Variants in TRIML1 observed in about 807,000 individuals in gnomAD.
TRIML1 encodes the protein tripartite motif family like 1.
In TRIML1, 34 loss-of-function variants were observed where a neutral mutation model predicts 32.3. The ratio of observed to expected loss-of-function variants is 1.05; its 90% confidence interval spans 0.80 to 1.40. The LOEUF is 1.40. Among genes scored for constraint, TRIML1 ranks in the 40% most tolerant of loss-of-function variants. The pLI, the probability that TRIML1 is intolerant of heterozygous loss-of-function variation, is 0.00. For synonymous variants in TRIML1, 244 were observed against 226.6 expected, an observed-to-expected ratio of 1.08 and a Z score of -0.69; for missense variants, 595 against 574.9, an observed-to-expected ratio of 1.03 and a Z score of -0.36.
chr4:188,140,669 G>A (rs62354297), intron 2 of TRIML1, 46 bp downstream of exon 2: 91,343 of 1,320,490 alleles, frequency 0.069, 3,723 homozygotes, highest in East Asian at 0.21. Flanking sequence ...ACCCCATAAG[G>A]GGGACTAAAG....
chr4:188,139,518 G>T lies in TRIML1; in HGVS notation c.-41G>T. 1 of 1,534,750 alleles carries T rather than the reference G, an allele frequency of 6.5e-7. No homozygotes were observed. The highest frequency in any genetic ancestry group is 1.3e-5 in the South Asian group (1 of 78,340). ...GGCAGTGAGGGCTTTGCTAATCCCA[G>T]AACAGAGGTGTAACCTGGCTGCATA... On this transcript the variant is annotated 5_prime_UTR_variant, in exon 1 of 6. Transcript: ENST00000332517.
chr4:188,144,576 A>G (rs1289067164), intron 5 of TRIML1, among the ~76,000 whole-genome samples: 3 of 148,314 alleles, frequency 2.0e-5, no homozygotes, highest in Non-Finnish European at 3.0e-5. Flanking sequence ...GTTAGCCAGG[A>G]TGGTCTCGAT....
intron 1 of TRIML1, 140 bp downstream of exon 1, chr4:188,140,106 G>T: frequency 1.6e-5 from 13 of 834,092 alleles, no homozygotes; most frequent in Non-Finnish European, 2.4e-5. Flanking sequence ...CGTGGGTCCA[G>T]TTTACACCCT....
chr4:188,140,840 A>G (rs1734827364), intron 2 of TRIML1: 1 of 466,672 alleles, frequency 2.1e-6, no homozygotes. Flanking sequence ...TCCTTTGCAT[A>G]ACTAGACAAC....
Position 188,139,931 on chromosome 4 carries a change from G to A in TRIML1, c.373G>A (p.Val125Met). The stretch of plus-strand genomic sequence containing the variant: ...AGCCCAGAGCCATGGTGCAAACAGA[G>A]TGCATCTCTCCAGCGAGGCTGAGGA... Reference protein sequence around the residue: ...FVAQSHGANRVHLSSEAEEHH... With the variant: ...FVAQSHGANRMHLSSEAEEHH... The change falls in exon 1 of 6, where the codon GTG (valine) becomes ATG (methionine). Residue 125 changes from valine (V) to methionine (M), a missense_variant. Coordinates refer to ENST00000332517, the MANE Select transcript of TRIML1 (RefSeq NM_178556.5). The A allele has an allele frequency of 6.2e-7, 1 of 1,612,922 alleles. No individual in the cohort carries two copies. The highest frequency in any genetic ancestry group is 8.5e-7 in the Non-Finnish European group (1 of 1,179,406).
rs112281664 is a variant in TRIML1 at position 188,139,767 on chromosome 4, G to A, written c.209G>A (p.Arg70His). 128 of 1,613,960 alleles carry A rather than the reference G, an allele frequency of 7.9e-5. No individual in the cohort carries two copies. Among genetic ancestry groups the A allele is most frequent in the East Asian group, 6.2e-4 (28 of 44,878 alleles). Residue 70 changes from arginine (R) to histidine (H), a missense_variant, in exon 1 of 6, where the codon CGT becomes CAT. Transcript: ENST00000332517. ...GGCCCGCATTTCCAGTCAAACGAGC[G>A]TCTGGGGAGGCTGGCCAGCATCGCC... ...LEGPHFQSNE[R>H]LGRLASIARQ...
Position 188,146,886 on chromosome 4 carries a change from T to A in TRIML1, c.921T>A (p.Ser307Arg). Reference protein sequence around the residue: ...AYLVLSEDLKSVKYGGSRQQL... With the variant: ...AYLVLSEDLKRVKYGGSRQQL... ...TCGTGTTGTCGGAGGATCTGAAGAG[T>A]GTGAAATATGGGGGAAGCAGACAGC... The change falls in exon 6 of 6, where the codon AGT becomes AGA. Residue 307 changes from serine (S) to arginine (R), a missense_variant. Coordinates refer to ENST00000332517, the MANE Select transcript of TRIML1 (RefSeq NM_178556.5). The A allele has an allele frequency of 6.8e-7, 1 of 1,475,042 alleles. No individual in the cohort carries two copies. Among genetic ancestry groups the A allele is most frequent in the Non-Finnish European group, 9.0e-7 (1 of 1,111,636 alleles). The allele number at this position is 1,475,042 out of a possible 1,614,324, so 91.4% of individuals were successfully genotyped here.
chr4:188,140,384 A>C (rs1317794246), intron 1 of TRIML1, 144 bp from the exon 2 acceptor site: 57 of 617,190 alleles, frequency 9.2e-5, no homozygotes, highest in Non-Finnish European at 4.3e-5. Context: ...GGCCTCCCAA[A>C]GTGCTGGGAT....
chr4:188,141,727 C>T (rs796327720), intron 2 of TRIML1, among the ~76,000 whole-genome samples: 8 of 152,098 alleles, frequency 5.3e-5, no homozygotes, highest in Admixed American at 1.3e-4. Flanking sequence ...GTATCTATAG[C>T]GCACATACCT....
chr4:188,142,464 G>A lies in TRIML1; in HGVS notation c.717G>A (p.Ser239=), dbSNP rs780369509. 27 of 1,613,452 alleles carry A rather than the reference G, an allele frequency of 1.7e-5. No homozygotes were observed. In the South Asian group the frequency reaches 2.3e-4, roughly 14 times the overall value. Residue 239 remains serine, a synonymous_variant, in exon 3 of 6, where the codon TCG becomes TCA. Coordinates refer to ENST00000332517, the MANE Select transcript of TRIML1 (RefSeq NM_178556.5). The part of the protein sequence containing the change: ...IAQIESSSQS[S]AFESLEEVRG... ...AGATTGAGTCCTCAAGTCAAAGCTC[G>A]GCTTTCGAATCTCTTGAGGTGAGAA...
chr4:188,147,687 G>A lies in TRIML1; in HGVS notation c.*315G>A, dbSNP rs1735143200. On this transcript the variant is annotated 3_prime_UTR_variant, in exon 6 of 6. Transcript: ENST00000332517. ...CCATGAATCCTACTGCCATAGGCCAGATTTTATAAATATATGTCACTTTTT... is the reference window on the plus strand; with the variant it reads ...CCATGAATCCTACTGCCATAGGCCAAATTTTATAAATATATGTCACTTTTT... 4.0e-6 allele frequency: 1 copy of A among 251,272 alleles called. No homozygotes were observed. The highest frequency in any genetic ancestry group is 2.2e-5 in the African/African-American group (1 of 45,162). 15.6% of individuals were successfully genotyped at this position (251,272 alleles called of 1,614,324 possible).
chr4:188,150,431 C>A (rs1241894746), downstream of TRIML1, among the ~76,000 whole-genome samples: 1 of 152,150 alleles, frequency 6.6e-6, no homozygotes, highest in African/African-American at 2.4e-5. Flanking sequence ...ACCTGGGCCC[C>A]ACTTATTAGA....
At chr4:188,138,328 A>C (rs990301283), upstream of TRIML1, among the ~76,000 whole-genome samples, 10 of 152,238 alleles carry the variant, frequency 6.6e-5, no homozygotes, top group African/African-American at 2.4e-4. Flanking sequence ...TCAGAAACCA[A>C]TGAACGGAAC....
intron 5 of TRIML1, 74 bp from the exon 6 acceptor site, chr4:188,146,748 C>A: frequency 1.7e-6 from 2 of 1,176,680 alleles, no homozygotes; most frequent in South Asian, 6.4e-5. Flanking sequence ...ACTAAGAATT[C>A]AATGGAAATC....
At position 188,139,789 on chromosome 4, in the gene TRIML1, C is replaced by T. The variant is rs773903787; in HGVS notation, c.231C>T (p.Ile77=). ...SNERLGRLAS[I]ARQLRSQVLQ... ...AGCGTCTGGGGAGGCTGGCCAGCAT[C>T]GCCAGGCAGCTCCGGTCCCAGGTGC... The change falls in exon 1 of 6, where the codon ATC becomes ATT. Residue 77 remains isoleucine, a synonymous_variant. Coordinates refer to ENST00000332517, the MANE Select transcript of TRIML1 (RefSeq NM_178556.5). The T allele has an allele frequency of 3.1e-6, 5 of 1,613,796 alleles. No individual in the cohort carries two copies. In the African/African-American group the frequency reaches 4.0e-5, roughly 13 times the overall value.
intron 2 of TRIML1, 119 bp from the exon 3 acceptor site, chr4:188,142,128 AAAAAG>A (rs925262212): frequency 5.8e-5 from 40 of 685,116 alleles, no homozygotes; most frequent in Non-Finnish European, 7.9e-5. Context: ...AAAAAAAAAA[AAAAAG>A]AAAGAAAGAA....
At chr4:188,140,881 G>A in intron 2 of TRIML1, 1 of 317,082 alleles carries the variant, frequency 3.2e-6, no homozygotes, top group Non-Finnish European at 5.8e-6. Context: ...GGCTCTGGTA[G>A]AATTATTTAA....
chr4:188,147,450 G>C lies in TRIML1; in HGVS notation c.*78G>C. 1 of 1,278,722 alleles carries C rather than the reference G, an allele frequency of 7.8e-7. No homozygotes were observed. Among genetic ancestry groups the C allele is most frequent in the South Asian group, 2.3e-5 (1 of 42,844 alleles). The allele number at this position is 1,278,722 out of a possible 1,614,324, so 79.2% of individuals were successfully genotyped here. A position where few individuals can be genotyped will look rare whatever the true frequency, so the allele number is the denominator to read the frequency against. ...TATTAAGACGATGAAGGCATCGACA[G>C]TATTAATGTCAGGTGATCTGAAATA... On this transcript the variant is annotated 3_prime_UTR_variant, in exon 6 of 6. Transcript: ENST00000332517.
In TRIML1 at chr4:188,147,411, G is replaced by A. The variant is rs201005238; in HGVS notation, c.*39G>A. On this transcript the variant is annotated 3_prime_UTR_variant, in exon 6 of 6. Coordinates refer to ENST00000332517, the MANE Select transcript of TRIML1 (RefSeq NM_178556.5). ...AGCCGTCACAGCGGGCGATGTCTGAGACCAAGACACAACTATTAAGACGAT... is the reference window on the plus strand; with the variant it reads ...AGCCGTCACAGCGGGCGATGTCTGAAACCAAGACACAACTATTAAGACGAT... 3 of 1,441,382 alleles carry A rather than the reference G, an allele frequency of 2.1e-6. No homozygotes were observed. Among genetic ancestry groups the A allele is most frequent in the Admixed American group, 2.5e-5 (1 of 39,852 alleles). The allele number at this position is 1,441,382 out of a possible 1,614,324, so 89.3% of individuals were successfully genotyped here. A position where few individuals can be genotyped will look rare whatever the true frequency, so the allele number is the denominator to read the frequency against.
Sources: allele counts gnomAD v4.1 joint callset (sites outside exome capture counted in the v4.1 genomes callset), GRCh38; gene constraint gnomAD v4.1.1; transcripts MANE v1.5; gene names NCBI Gene and HGNC (gene_info 2026-07-23, HGNC 2026-07-21).